MED15: variants seen among roughly 807,000 people sequenced by gnomAD.
MED15 encodes the protein mediator complex subunit 15.
In MED15, 41 loss-of-function variants were observed where a neutral mutation model predicts 118.7. The observed-to-expected ratio is 0.35, with a 90% CI of 0.27 to 0.45. The LOEUF (loss-of-function observed/expected upper bound fraction) is 0.45. MED15 is among the 20% of genes least tolerant of loss of function. The pLI is 1.00. For missense variants in MED15, 740 were observed against 1,025.5 expected, an observed-to-expected ratio of 0.72 and a Z score of 3.80; for synonymous variants, 436 against 413.9, an observed-to-expected ratio of 1.05 and a Z score of -0.65.
intron 9 of MED15, among the ~76,000 whole-genome samples, chr22:20,581,678 T>TC (rs1237850465): frequency 6.6e-6 from 1 of 152,138 alleles, no homozygotes; most frequent in African/African-American, 2.4e-5. Context: ...GCAGCTGTTC[T>TC]CCCCATCAAA....
Position 20,575,193 on chromosome 22 carries a change from G to C in MED15, c.1233G>C (p.Pro411=). ...CTACCACCGCTGTGTCCGCCATCCC[G>C]TCAAGCTCCATCCCTTTGGGCAGAC... is the stretch of plus-strand genomic sequence containing the variant. ...FPPTTAVSAI[P]SSSIPLGRQP... Residue 411 remains proline, a synonymous_variant, in exon 9 of 18, where the codon CCG becomes CCC. Transcript: ENST00000263205. The C allele has an allele frequency of 6.2e-7, 1 of 1,614,098 alleles. No individual in the cohort carries two copies. The highest frequency in any genetic ancestry group is 1.3e-5 in the African/African-American group (1 of 75,060).
chr22:20,534,401 T>C (rs1360985683), intron 1 of MED15, among the ~76,000 whole-genome samples: 2 of 152,096 alleles, frequency 1.3e-5, no homozygotes, highest in Non-Finnish European at 2.9e-5. Context: ...GGCGCATGCC[T>C]GTAGTCCCAG....
intron 7 of MED15, 134 bp from the exon 8 acceptor site, chr22:20,568,387 C>T: frequency 7.3e-7 from 1 of 1,366,606 alleles, no homozygotes; most frequent in South Asian, 1.4e-5. Flanking sequence ...AAGGTGACAT[C>T]ACAGCACATG....
intron 2 of MED15, among the ~76,000 whole-genome samples, chr22:20,544,157 T>TG (rs2055430515): frequency 6.6e-6 from 1 of 152,232 alleles, no homozygotes; most frequent in African/African-American, 2.4e-5. Context: ...AGGCAGAGTC[T>TG]GGGTGACAGT....
intron 8 of MED15, chr22:20,574,774 G>T (rs1423644175): frequency 8.8e-6 from 2 of 226,868 alleles, no homozygotes; most frequent in Non-Finnish European, 1.8e-5. Flanking sequence ...CTCAAGGTCT[G>T]GCTCTGATGG....
intron 9 of MED15, among the ~76,000 whole-genome samples, chr22:20,581,176 C>G (rs528269534): frequency 2.6e-5 from 4 of 152,200 alleles, no homozygotes; most frequent in African/African-American, 9.7e-5. Flanking sequence ...CACCCAGCAT[C>G]CCTTGCAGCA....
intron 1 of MED15, among the ~76,000 whole-genome samples, chr22:20,535,788 T>C (rs1452493302): frequency 6.6e-6 from 1 of 151,892 alleles, no homozygotes; most frequent in Non-Finnish European, 1.5e-5. Flanking sequence ...CGTGCTCGCC[T>C]GACCTCGTGA....
At chr22:20,512,389 T>G (rs559993343) in intron 1 of MED15, among the ~76,000 whole-genome samples, 1 of 152,062 alleles carries the variant, frequency 6.6e-6, no homozygotes, top group Non-Finnish European at 1.5e-5. Flanking sequence ...GCTCCTTCTT[T>G]TAGGTGTCTG....
chr22:20,547,595 G>A (rs1041664720), intron 2 of MED15, among the ~76,000 whole-genome samples: 1 of 151,790 alleles, frequency 6.6e-6, no homozygotes, highest in African/African-American at 2.4e-5. Context: ...TGAGGTGGGC[G>A]GATCAGAAGG....
At chr22:20,582,330 T>G in intron 9 of MED15, 1 of 541,198 alleles carries the variant, frequency 1.8e-6, no homozygotes, top group South Asian at 2.2e-5. Context: ...TTCCTCACAC[T>G]CCCACGACAC....
chr22:20,531,734 C>G (rs911801834), intron 1 of MED15, among the ~76,000 whole-genome samples: 7 of 152,268 alleles, frequency 4.6e-5, no homozygotes, highest in Admixed American at 3.9e-4. Flanking sequence ...GCCCACTGCA[C>G]ACAAAAGTGG....
At chr22:20,568,875 ATCCT>A (rs1241220656) in intron 8 of MED15, among the ~76,000 whole-genome samples, 1 of 152,144 alleles carries the variant, frequency 6.6e-6, no homozygotes, top group African/African-American at 2.4e-5. Context: ...TTGCTCGGGC[ATCCT>A]TCATTATCCC....
In MED15 at chr22:20,553,224, G is replaced by C. The variant is rs930229750; in HGVS notation, c.238+50G>C. ...AAGTTTCTCCCAACTTTGGATTTGA[G>C]GTGGCAAGAATGACATAGTGCATGC... On this transcript the variant is annotated intron_variant, in intron 4 of 17. Coordinates refer to ENST00000263205, the MANE Select transcript of MED15 (RefSeq NM_001003891.3). The C allele has an allele frequency of 1.9e-6, 3 of 1,574,288 alleles. No individual in the cohort carries two copies. The African/African-American group carries it at 4.1e-5, about 21-fold the overall frequency.
At chr22:20,572,761 A>T (rs1253643433) in intron 8 of MED15, among the ~76,000 whole-genome samples, 1 of 152,172 alleles carries the variant, frequency 6.6e-6, no homozygotes, top group Non-Finnish European at 1.5e-5. Context: ...TCTACAAAAA[A>T]ATAAAAATAA....
intron 1 of MED15, among the ~76,000 whole-genome samples, chr22:20,532,886 G>A (rs1301999272): frequency 6.6e-6 from 1 of 152,208 alleles, no homozygotes; most frequent in Non-Finnish European, 1.5e-5. Context: ...TGTGGGGGAA[G>A]AGCTCACTGT....
At chr22:20,548,557 G>C (rs1357384915) in intron 2 of MED15, among the ~76,000 whole-genome samples, 2 of 152,188 alleles carry the variant, frequency 1.3e-5, no homozygotes, top group Admixed American at 6.5e-5. Flanking sequence ...CACATTTCCA[G>C]CCCAGTTCCT....
chr22:20,507,692 G>A lies in MED15; in HGVS notation c.14G>A (p.Gly5Glu). MDVS[G>E]QETDWRSTAF... The stretch of plus-strand genomic sequence containing the variant: ...TGGGGAACAGGCATGGACGTTTCCG[G>A]GCAAGAGACCGACTGGCGGAGCACC... The change falls in exon 1 of 18, where the codon GGG (glycine) becomes GAG (glutamate). Residue 5 changes from glycine to glutamate, a missense_variant. Physicochemically the swap from Gly to Glu is moderately conservative, Grantham distance 98. This residue lies in a region of MED15 where 23 missense variants were observed against 20.2 expected (regional missense o/e 1.14). Transcript: ENST00000263205. 6.2e-7 allele frequency: 1 copy of A among 1,614,078 alleles called. No individual in the cohort carries two copies. The highest frequency in any genetic ancestry group is 1.1e-5 in the South Asian group (1 of 91,086).
rs1192972880 is a variant in MED15, at chr22:20,586,653, G to A, written c.2316G>A (p.Leu772=). Residue 772 remains leucine (L), a synonymous_variant, in exon 18 of 18, where the codon TTG becomes TTA. Transcript: ENST00000263205. ...QLPDKHSVTA[L]LNTWAQSVHQ... is the part of the protein sequence containing the mutation. ...CGGACAAGCACTCGGTCACCGCCTTGCTCAACACCTGGGCCCAGAGCGTCC... is the reference window on the plus strand; with the variant it reads ...CGGACAAGCACTCGGTCACCGCCTTACTCAACACCTGGGCCCAGAGCGTCC... 6.2e-7 allele frequency: 1 copy of A among 1,612,990 alleles called. No individual in the cohort carries two copies. The highest frequency in any genetic ancestry group is 8.5e-7 in the Non-Finnish European group (1 of 1,179,980).
intron 9 of MED15, among the ~76,000 whole-genome samples, chr22:20,578,900 A>C (rs2146655732): frequency 6.7e-6 from 1 of 149,934 alleles, no homozygotes; most frequent in South Asian, 2.1e-4. Flanking sequence ...GGCAGGGCCC[A>C]GGCTCCCTCC....
Sources: allele counts gnomAD v4.1 joint callset (sites outside exome capture counted in the v4.1 genomes callset), GRCh38; gene constraint gnomAD v4.1.1; regional missense constraint gnomAD v4.1.1; transcripts MANE v1.5; gene names NCBI Gene and HGNC (gene_info 2026-07-23, HGNC 2026-07-21).